The following STARD9 variants were observed in gnomAD, a reference collection of about 807,000 sequenced individuals.
STARD9 encodes StAR related lipid transfer domain containing 9, also known as stAR-related lipid transfer protein 9.
A neutral mutation model predicts 399.8 loss-of-function variants in STARD9; 346 were observed. That is an observed-to-expected ratio of 0.87 (90% confidence interval 0.79 to 0.95). The LOEUF (loss-of-function observed/expected upper bound fraction) is 0.95, where lower values mean the gene tolerates loss of function less well. Ranked by LOEUF, STARD9 falls within the 40% of genes least tolerant of loss-of-function variation. The probability of loss-of-function intolerance (pLI) is 0.00; values close to 1 mark genes in which losing one functional copy is unlikely to be tolerated. For missense variants in STARD9, 5,832 were observed against 5,667.5 expected (o/e 1.03, Z -0.93); for synonymous variants, 2,203 against 2,143.5 (o/e 1.03, Z -0.77).
At chr15:42,576,397 C>T (rs190855904) in intron 1 of STARD9, among the ~76,000 whole-genome samples, 7 of 152,312 alleles carry the variant, frequency 4.6e-5, no homozygotes, top group Admixed American at 4.6e-4. Context: ...GCCCTTGAGA[C>T]ATCCAGTGTG....
At chr15:42,679,307 G>T (rs1413729864) in intron 20 of STARD9, among the ~76,000 whole-genome samples, 1 of 152,196 alleles carries the variant, frequency 6.6e-6, no homozygotes, top group African/African-American at 2.4e-5. Context: ...GCATTAACAG[G>T]TTTCTATTCC....
In STARD9 at chr15:42,675,665, A is replaced by C. The variant is rs1020309473; in HGVS notation, c.1689A>C (p.Gly563=). 1.1e-5 allele frequency: 17 copies of C among 1,536,274 alleles called. No individual in the cohort carries two copies. The highest frequency in any genetic ancestry group is 1.5e-5 in the Non-Finnish European group (17 of 1,146,216). The part of the protein sequence containing the change: ...EVTASCRLTQ[G]AVITLGKAQK... ...TTCTCATTTGTCTCTGTGCTGCAGG[A>C]GCTGTCATAACCCTGGGGAAGGCAC... Residue 563 remains glycine (G), a splice_region_variant and synonymous_variant, in exon 19 of 33, where the codon GGA becomes GGC. Coordinates refer to ENST00000290607, the MANE Select transcript of STARD9 (RefSeq NM_020759.3).
chr15:42,666,548 A>G (rs1296453972), intron 15 of STARD9, among the ~76,000 whole-genome samples: 2 of 152,196 alleles, frequency 1.3e-5, no homozygotes, highest in Non-Finnish European at 2.9e-5. Flanking sequence ...TTCATGGTAG[A>G]GGGTAGTGCA....
chr15:42,701,094 T>C lies in STARD9; in HGVS notation c.13284+5214T>C, dbSNP rs930439176. ...AATGTGTGGATTTCTGTGTTCTTTGTTCTGTTCCTTTAGTCTGTGTGTCAG... is the reference window on the plus strand; with the variant it reads ...AATGTGTGGATTTCTGTGTTCTTTGCTCTGTTCCTTTAGTCTGTGTGTCAG... On this transcript the variant is annotated intron_variant, in intron 26 of 32. Transcript: ENST00000290607. 1.8e-4 allele frequency among the ~76,000 whole-genome samples: 28 copies of C among 152,206 alleles called. 1 individual carries two copies. The highest frequency in any genetic ancestry group is 6.3e-4 in the African/African-American group (26 of 41,432).
intron 26 of STARD9, among the ~76,000 whole-genome samples, chr15:42,700,248 G>A (rs899254899): frequency 1.3e-5 from 2 of 152,210 alleles, no homozygotes; most frequent in Admixed American, 6.5e-5. Flanking sequence ...ATATGGGAGT[G>A]TAGATATCTC....
chr15:42,615,210 A>G (rs1437548496), intron 3 of STARD9, among the ~76,000 whole-genome samples: 2 of 151,822 alleles, frequency 1.3e-5, no homozygotes, highest in Non-Finnish European at 2.9e-5. Flanking sequence ...GCGTTTCACT[A>G]TGTTGGCCAG....
rs546203561 is a variant in STARD9 at position 42,631,070 on chromosome 15, C to A, written c.235-3786C>A. 1.4e-3 allele frequency among the ~76,000 whole-genome samples: 217 copies of A among 151,744 alleles called. 1 individual carries two copies. Among genetic ancestry groups the A allele is most frequent in the African/African-American group, 4.3e-3 (176 of 41,352 alleles). ...CTTGAGCCCAGGCTAGTCTTGAACT[C>A]CTGGGCTCAAGTGATCTTCTTGCCT... On this transcript the variant is annotated intron_variant, in intron 3 of 32. Coordinates refer to ENST00000290607, the MANE Select transcript of STARD9 (RefSeq NM_020759.3).
chr15:42,646,540 A>T (rs544743742), intron 7 of STARD9, among the ~76,000 whole-genome samples: 18 of 152,138 alleles, frequency 1.2e-4, no homozygotes, highest in Admixed American at 3.3e-4. Context: ...CAGCTTCTTC[A>T]CTTCTCTCAG....
intron 14 of STARD9, among the ~76,000 whole-genome samples, chr15:42,665,533 ATC>A (rs987788208): frequency 1.8e-4 from 27 of 152,114 alleles, no homozygotes; most frequent in Non-Finnish European, 3.5e-4. Context: ...TCACTTTATC[ATC>A]TCTTGTCTTG....
chr15:42,688,812 C>T lies in STARD9; in HGVS notation c.7234C>T (p.Arg2412Ter), dbSNP rs867256835. Reference sequence around the variant, plus strand: ...ACACACTGCCTGGTGTGGGTCTGTGCGATCCATGGCCATGGGATCTCATAG... The same window carrying T: ...ACACACTGCCTGGTGTGGGTCTGTGTGATCCATGGCCATGGGATCTCATAG... ...EAHTAWCGSVRSMAMGSHSQS... is the reference protein window; with the variant it reads ...EAHTAWCGSV Residue 2412 changes from arginine (R) to a stop codon, truncating the protein, a stop_gained, in exon 23 of 33, where the codon CGA becomes TGA. Transcript: ENST00000290607. LOFTEE classifies it high-confidence loss of function. 2.0e-5 allele frequency: 31 copies of T among 1,537,210 alleles called. No homozygotes were observed. Among genetic ancestry groups the T allele is most frequent in the South Asian group, 4.8e-5 (4 of 84,058 alleles).
At chr15:42,610,128 A>C (rs2058818751) in intron 3 of STARD9, among the ~76,000 whole-genome samples, 1 of 152,134 alleles carries the variant, frequency 6.6e-6, no homozygotes, top group Non-Finnish European at 1.5e-5. Context: ...AATGTGTTTG[A>C]ATAAGAGTCT....
chr15:42,634,785 T>C (rs1369249909), intron 3 of STARD9, 71 bp from the exon 4 acceptor site: 2 of 673,772 alleles, frequency 3.0e-6, no homozygotes, highest in African/African-American at 3.7e-5. Flanking sequence ...TTTTTTAGAT[T>C]AGAAAATAAT....
At chr15:42,658,903 G>A (rs749174630) in intron 9 of STARD9, among the ~76,000 whole-genome samples, 44 of 152,216 alleles carry the variant, frequency 2.9e-4, no homozygotes, top group Non-Finnish European at 5.1e-4. Flanking sequence ...ACTTGAGATC[G>A]GGGGTCGAGA....
intron 3 of STARD9, among the ~76,000 whole-genome samples, chr15:42,620,727 C>CTTTTA (rs71108173): frequency 0.35 from 50,108 of 142,414 alleles, 10,950 homozygotes; most frequent in Non-Finnish European, 0.47. Flanking sequence ...TAGAATGTCC[C>CTTTTA]TTTTATTTTA....
Position 42,600,062 on chromosome 15 carries a change from A to G in STARD9, c.234+14425A>G, listed in dbSNP as rs571456465. On this transcript the variant is annotated intron_variant, in intron 3 of 32. Transcript: ENST00000290607. ...GTGTTTGAGGGGATCAGGTGGTGCT[A>G]GTCTGGGTGAAACTAAGAGGATATA... is the stretch of plus-strand genomic sequence containing the variant. Among the ~76,000 whole-genome samples, 101 of 152,278 alleles carry G rather than the reference A, an allele frequency of 6.6e-4. 1 individual carries two copies. Among genetic ancestry groups the G allele is most frequent in the African/African-American group, 2.4e-3 (98 of 41,554 alleles).
At position 42,693,844 on chromosome 15, in the gene STARD9, C is replaced by G. The variant is rs116737895; in HGVS notation, c.12266C>G (p.Pro4089Arg). The change falls in exon 23 of 33, where the codon CCT becomes CGT. Residue 4089 changes from proline (P) to arginine (R), a missense_variant. By Grantham distance (103) the Pro-to-Arg change is moderately radical. Around this residue, in one of 2 missense-constraint regions of STARD9, gnomAD observed 5,828 missense variants for 5,651.1 expected, o/e 1.03. Coordinates refer to ENST00000290607, the MANE Select transcript of STARD9 (RefSeq NM_020759.3). ...GGCCTCCAGCACCTCAGCCCCTGCC[C>G]TGTCTCTGAGTTGACTGATACTGCA... Reference protein sequence around the residue: ...WGGLQHLSPCPVSELTDTAGL... With the variant: ...WGGLQHLSPCRVSELTDTAGL... 6.5e-7 allele frequency: 1 copy of G among 1,536,718 alleles called. No homozygotes were observed. Among genetic ancestry groups the G allele is most frequent in the African/African-American group, 1.4e-5 (1 of 73,054 alleles).
intron 3 of STARD9, among the ~76,000 whole-genome samples, chr15:42,620,718 A>G (rs1306873704): frequency 6.8e-6 from 1 of 146,102 alleles, no homozygotes; most frequent in East Asian, 2.0e-4. Context: ...ATTATTTTGT[A>G]GAATGTCCCT....
rs2060757225 is a variant in STARD9 at position 42,693,229 on chromosome 15, A to G, written c.11651A>G (p.Lys3884Arg). 6.5e-7 allele frequency: 1 copy of G among 1,536,876 alleles called. No individual in the cohort carries two copies. The highest frequency in any genetic ancestry group is 8.7e-7 in the Non-Finnish European group (1 of 1,146,854). The change falls in exon 23 of 33, where the codon AAG becomes AGG. Residue 3884 changes from lysine to arginine, a missense_variant. Transcript: ENST00000290607. The part of the protein sequence containing the change: ...SEYPGDSRVQ[K>R]KLGPTSALFV... ...TATCCTGGGGACTCCAGGGTCCAGAAGAAGCTGGGCCCCACAAGTGCTTTG... is the reference window on the plus strand; with the variant it reads ...TATCCTGGGGACTCCAGGGTCCAGAGGAAGCTGGGCCCCACAAGTGCTTTG...
chr15:42,663,253 C>T (rs2060023983), intron 11 of STARD9, 28 bp from the exon 12 acceptor site: 2 of 1,512,426 alleles, frequency 1.3e-6, no homozygotes, highest in Non-Finnish European at 8.8e-7. Context: ...TTCCTTCTTT[C>T]TTCCATTTTC....
Sources: gnomAD v4.1 joint callset for allele counts (sites outside exome capture counted in the v4.1 genomes callset) on GRCh38, gnomAD v4.1.1 for gene constraint, gnomAD v4.1.1 regional missense constraint, MANE v1.5 for transcripts, NCBI Gene and HGNC (gene_info 2026-07-23, HGNC 2026-07-21) for gene names.